The following FRMD4A variants were observed in gnomAD, a reference collection of about 807,000 sequenced individuals.
The protein encoded by FRMD4A is FERM domain containing 4A, also known as FERM domain-containing protein 4A.
A neutral mutation model predicts 129.1 loss-of-function variants in FRMD4A; 29 were observed. The observed-to-expected ratio is 0.22, with a 90% CI of 0.17 to 0.31. FRMD4A has a LOEUF of 0.31. Among genes scored for constraint, FRMD4A ranks in the 10% least tolerant of loss-of-function variants. FRMD4A has a pLI of 1.00. For missense variants in FRMD4A, 1,272 were observed against 1,375.8 expected (o/e 0.92, Z 1.19); for synonymous variants, 634 against 571.6 (o/e 1.11, Z -1.56).
intron 2 of FRMD4A, among the ~76,000 whole-genome samples, chr10:14,177,070 CT>C (rs1841755563): frequency 6.6e-6 from 1 of 152,192 alleles, no homozygotes; most frequent in African/African-American, 2.4e-5. Flanking sequence ...CAATTCTTTC[CT>C]GAAGCATTCT....
At chr10:14,251,168 T>C (rs1184696605) in intron 2 of FRMD4A, among the ~76,000 whole-genome samples, 2 of 152,228 alleles carry the variant, frequency 1.3e-5, no homozygotes, top group Admixed American at 6.5e-5. Context: ...GATAAACTTA[T>C]GGATTTGTTT....
chr10:13,903,691 G>T (rs866146101), intron 2 of FRMD4A, among the ~76,000 whole-genome samples: 2 of 151,160 alleles, frequency 1.3e-5, no homozygotes, highest in Non-Finnish European at 2.9e-5. Flanking sequence ...GGGCAACATA[G>T]CAAGACCCCA....
intron 12 of FRMD4A, among the ~76,000 whole-genome samples, chr10:13,725,967 G>A (rs1541012): frequency 0.97 from 147,564 of 152,320 alleles, 71,640 homozygotes; most frequent in East Asian, 1. Context: ...AGAGGCACAG[G>A]GAGGTTAAAT....
At chr10:13,810,753 G>C (rs1588853348) in intron 4 of FRMD4A, 61 bp downstream of exon 4, 1 of 832,922 alleles carries the variant, frequency 1.2e-6, no homozygotes, top group Non-Finnish European at 2.0e-6. Context: ...CTGGAGTGGA[G>C]CAGTTTCGGG....
chr10:14,237,722 T>G (rs1442344219), intron 2 of FRMD4A, among the ~76,000 whole-genome samples: 1 of 152,168 alleles, frequency 6.6e-6, no homozygotes, highest in East Asian at 1.9e-4. Flanking sequence ...TAGGACCAAA[T>G]AAGATAATAT....
intron 2 of FRMD4A, among the ~76,000 whole-genome samples, chr10:13,963,584 G>C (rs2095462000): frequency 6.6e-6 from 1 of 152,110 alleles, no homozygotes; most frequent in Admixed American, 6.5e-5. Flanking sequence ...TCCTTTATTA[G>C]GAGAATGGAT....
At chr10:13,953,816 T>C (rs1035468545) in intron 2 of FRMD4A, among the ~76,000 whole-genome samples, 1 of 152,204 alleles carries the variant, frequency 6.6e-6, no homozygotes, top group Non-Finnish European at 1.5e-5. Context: ...TTGGTACTAT[T>C]CGAGGTTTCA....
intron 3 of FRMD4A, among the ~76,000 whole-genome samples, chr10:13,829,533 T>C (rs34988420): frequency 0.017 from 2,625 of 152,256 alleles, 107 homozygotes; most frequent in East Asian, 0.14. Context: ...TTGAGTTCTG[T>C]TCCCACGTCC....
chr10:14,140,785 C>A (rs548679190), intron 2 of FRMD4A, among the ~76,000 whole-genome samples: 20 of 152,238 alleles, frequency 1.3e-4, no homozygotes, highest in African/African-American at 4.8e-4. Flanking sequence ...ATATCTCACA[C>A]CTTTGCTCCA....
At chr10:14,122,744 C>T (rs1286144802) in intron 2 of FRMD4A, among the ~76,000 whole-genome samples, 1 of 151,936 alleles carries the variant, frequency 6.6e-6, no homozygotes, top group Non-Finnish European at 1.5e-5. Flanking sequence ...CACCAGGACC[C>T]ACCTGCAACA....
chr10:14,139,670 G>A (rs530281356), intron 2 of FRMD4A, among the ~76,000 whole-genome samples: 3 of 152,178 alleles, frequency 2.0e-5, no homozygotes, highest in Admixed American at 1.3e-4. Flanking sequence ...GGCTAGTCTG[G>A]AATGCCTGGG....
intron 6 of FRMD4A, among the ~76,000 whole-genome samples, chr10:13,764,804 G>A (rs539110136): frequency 3.3e-5 from 5 of 152,190 alleles, no homozygotes; most frequent in Non-Finnish European, 4.4e-5. Flanking sequence ...CAGAGAGCTA[G>A]AGGTAAAAGA....
intron 2 of FRMD4A, among the ~76,000 whole-genome samples, chr10:14,040,246 C>T (rs542835970): frequency 6.6e-6 from 1 of 151,992 alleles, no homozygotes; most frequent in Non-Finnish European, 1.5e-5. Flanking sequence ...GTACAACATT[C>T]TAATTTTTGT....
At chr10:14,220,586 C>T (rs1052144262) in intron 2 of FRMD4A, among the ~76,000 whole-genome samples, 18 of 152,128 alleles carry the variant, frequency 1.2e-4, no homozygotes, top group African/African-American at 4.1e-4. Context: ...GAAATCCCAC[C>T]GATTAGAGGA....
intron 2 of FRMD4A, among the ~76,000 whole-genome samples, chr10:14,232,529 A>T (rs77740454): frequency 7.6e-6 from 1 of 131,138 alleles, no homozygotes; most frequent in South Asian, 2.2e-4. Flanking sequence ...GGTAGTATGG[A>T]CAGGTATTGA....
chr10:13,686,559 A>T (rs2085105084), intron 15 of FRMD4A, among the ~76,000 whole-genome samples: 1 of 152,212 alleles, frequency 6.6e-6, no homozygotes, highest in Non-Finnish European at 1.5e-5. Flanking sequence ...TGTTTAGCAC[A>T]ACCTGTTTTC....
intron 2 of FRMD4A, among the ~76,000 whole-genome samples, chr10:14,195,909 A>G (rs2131931092): frequency 6.6e-6 from 1 of 152,324 alleles, no homozygotes; most frequent in East Asian, 1.9e-4. Flanking sequence ...TAAGCCTGGT[A>G]GTTCCTTACG....
intron 15 of FRMD4A, among the ~76,000 whole-genome samples, chr10:13,691,022 C>G (rs935803796): frequency 3.3e-5 from 5 of 152,192 alleles, no homozygotes; most frequent in Admixed American, 2.6e-4. Flanking sequence ...CAGTCTCACT[C>G]TGCCGCTCAG....
chr10:13,740,299 A>G, intron 10 of FRMD4A, 48 bp from the exon 11 acceptor site: 1 of 1,295,186 alleles, frequency 7.7e-7, no homozygotes, highest in Non-Finnish European at 1.1e-6. Flanking sequence ...AATGCGCAAA[A>G]GGCTAGTTAT....
Sources: allele counts gnomAD v4.1 joint callset (sites outside exome capture counted in the v4.1 genomes callset), GRCh38; gene constraint gnomAD v4.1.1; transcripts MANE v1.5; gene names NCBI Gene and HGNC (gene_info 2026-07-23, HGNC 2026-07-21).